RYR2: variants seen among roughly 807,000 people sequenced by gnomAD.
The protein encoded by RYR2 is cardiac muscle ryanodine receptor-calcium release channel.
Under a neutral mutation model 601.1 loss-of-function variants are expected in RYR2, and 227 were observed. The ratio of observed to expected loss-of-function variants is 0.38; its 90% CI spans 0.34 to 0.42. RYR2 has a LOEUF of 0.42. RYR2 is among the 10% of genes least tolerant of loss of function. The pLI is 1.00. For synonymous variants in RYR2, 2,223 were observed against 2,175.1 expected, an observed-to-expected ratio of 1.02 and a Z score of -0.61; for missense variants, 4,646 against 6,156.5, an observed-to-expected ratio of 0.75 and a Z score of 8.21.
chr1:237,401,657 C>T (rs776141916), intron 10 of RYR2, among the ~76,000 whole-genome samples: 27 of 152,110 alleles, frequency 1.8e-4, no homozygotes, highest in Non-Finnish European at 3.2e-4. Context: ...AGCTTCAGTG[C>T]CCAGAATGTT....
At chr1:237,569,443 G>A (rs981890263) in intron 29 of RYR2, 124 bp downstream of exon 29, 12 of 838,046 alleles carry the variant, frequency 1.4e-5, no homozygotes, top group Non-Finnish European at 1.7e-5. Flanking sequence ...GCTGTAAATC[G>A]TGAGGGTGCC....
chr1:237,256,410 CTG>C (rs1159749674), intron 1 of RYR2, among the ~76,000 whole-genome samples: 2 of 152,138 alleles, frequency 1.3e-5, no homozygotes, highest in African/African-American at 2.4e-5. Flanking sequence ...ACTAATACAC[CTG>C]TGTATGGTGA....
intron 11 of RYR2, among the ~76,000 whole-genome samples, chr1:237,421,822 A>T (rs1016981002): frequency 3.3e-5 from 5 of 152,164 alleles, no homozygotes; most frequent in African/African-American, 1.2e-4. Context: ...TGTTGTTGAC[A>T]TATGAAGCTT....
At chr1:237,489,439 C>G (rs554563675) in intron 17 of RYR2, among the ~76,000 whole-genome samples, 52 of 152,216 alleles carry the variant, frequency 3.4e-4, no homozygotes, top group South Asian at 3.3e-3. Flanking sequence ...GGCGGATCGC[C>G]TGAGATCAGG....
In RYR2 at chr1:237,388,195, A is replaced by G; in HGVS notation, c.773+12A>G. On this transcript the variant is annotated intron_variant, in intron 10 of 104. Coordinates refer to ENST00000366574, the MANE Select transcript of RYR2 (RefSeq NM_001035.3). The stretch of plus-strand genomic sequence containing the variant: ...GAAGAGCAGCGGAGGTTAGTACCTG[A>G]GCTCATTGCATTGAGACTTGCACTC... 6.2e-7 allele frequency: 1 copy of G among 1,607,962 alleles called. No homozygotes were observed. Among genetic ancestry groups the G allele is most frequent in the South Asian group, 1.1e-5 (1 of 90,492 alleles).
intron 98 of RYR2, among the ~76,000 whole-genome samples, chr1:237,805,773 T>C (rs1471427933): frequency 2.6e-5 from 4 of 152,068 alleles, no homozygotes. Flanking sequence ...ATCTTTAACA[T>C]TTATCACTTC....
At chr1:237,510,760 A>G (rs1665809919) in intron 23 of RYR2, among the ~76,000 whole-genome samples, 1 of 152,248 alleles carries the variant, frequency 6.6e-6, no homozygotes, top group Non-Finnish European at 1.5e-5. Context: ...TGCCGATGCG[A>G]TTTAGGTCTC....
chr1:237,450,911 CT>C (rs1381274653), intron 14 of RYR2, among the ~76,000 whole-genome samples: 1 of 152,090 alleles, frequency 6.6e-6, no homozygotes, highest in Non-Finnish European at 1.5e-5. Flanking sequence ...TTTAATTAAG[CT>C]TTCGTTTATT....
intron 41 of RYR2, among the ~76,000 whole-genome samples, chr1:237,629,172 C>A (rs912412592): frequency 6.6e-6 from 1 of 151,810 alleles, no homozygotes. Flanking sequence ...TAAATCTAAG[C>A]AATCATTAAT....
chr1:237,687,369 T>TTTTTTTTTTTTTTTTTTTTTTTTTTC, intron 62 of RYR2, 86 bp from the exon 63 acceptor site: 1 of 593,950 alleles, frequency 1.7e-6, no homozygotes. Context: ...TCTTCTTCTT[T>TTTTTTTTTTTTTTTTTTTTTTTTTTC]TTTTTTTTTT....
At chr1:237,318,820 G>T (rs1572586103) in intron 2 of RYR2, among the ~76,000 whole-genome samples, 1 of 152,136 alleles carries the variant, frequency 6.6e-6, no homozygotes, top group African/African-American at 2.4e-5. Flanking sequence ...CAGGTTTATT[G>T]TGCTACTTAG....
intron 16 of RYR2, among the ~76,000 whole-genome samples, chr1:237,457,717 C>A (rs762255238): frequency 1.3e-5 from 2 of 152,150 alleles, no homozygotes; most frequent in Non-Finnish European, 2.9e-5. Flanking sequence ...TGGCCTCTTG[C>A]TGCAAACATC....
chr1:237,075,334 C>T (rs557662490), intron 1 of RYR2, among the ~76,000 whole-genome samples: 4 of 151,154 alleles, frequency 2.6e-5, no homozygotes, highest in East Asian at 3.9e-4. Flanking sequence ...ACGCAGAAGA[C>T]GGGTGATTTC....
At chr1:237,628,163 T>A in intron 41 of RYR2, 83 bp downstream of exon 41, 1 of 1,412,326 alleles carries the variant, frequency 7.1e-7, no homozygotes. Flanking sequence ...TTAACTACAT[T>A]GATAAAAATA....
intron 44 of RYR2, 132 bp downstream of exon 44, chr1:237,635,124 C>T: frequency 1.7e-6 from 1 of 604,324 alleles, no homozygotes; most frequent in African/African-American, 1.8e-5. Flanking sequence ...GCCAAAACCG[C>T]AATTAATTTT....
chr1:237,392,688 A>G (rs1702483575), intron 10 of RYR2, among the ~76,000 whole-genome samples: 1 of 151,916 alleles, frequency 6.6e-6, no homozygotes, highest in Admixed American at 6.6e-5. Context: ...TATGGATTTG[A>G]TATGCACTAT....
intron 17 of RYR2, among the ~76,000 whole-genome samples, chr1:237,486,925 CATTG>C (rs1209139396): frequency 2.0e-5 from 3 of 152,026 alleles, no homozygotes; most frequent in African/African-American, 4.8e-5. Flanking sequence ...TAAAAAGTTA[CATTG>C]ATTATTATAT....
Position 237,614,188 on chromosome 1 carries a change from A to C in RYR2, c.5060A>C (p.Tyr1687Ser), listed in dbSNP as rs760479688. The change falls in exon 37 of 105, where the codon TAT (tyrosine) becomes TCT (serine). Residue 1687 changes from tyrosine to serine, a missense_variant. Around this residue, in one of 17 missense-constraint regions of RYR2, gnomAD observed 1,807 missense variants for 2,088.1 expected, o/e 0.87. Transcript: ENST00000366574. The surrounding 1 kb of genome is among the most constrained non-coding windows in gnomAD (Gnocchi z 4.3). ...CSHVDEPQLL[Y>S]AIENKYMPGL... is the part of the protein sequence containing the mutation. The stretch of plus-strand genomic sequence containing the variant: ...CATGTGGATGAACCTCAGCTCCTCT[A>C]TGCCATTGAGAACAAGTACATGCCT... 6.2e-7 allele frequency: 1 copy of C among 1,614,012 alleles called. No individual in the cohort carries two copies. The highest frequency in any genetic ancestry group is 1.7e-5 in the Admixed American group (1 of 60,028).
intron 1 of RYR2, among the ~76,000 whole-genome samples, chr1:237,094,485 T>A (rs1050231182): frequency 2.0e-5 from 3 of 152,130 alleles, no homozygotes; most frequent in African/African-American, 7.2e-5. Flanking sequence ...GCGAACATGC[T>A]TAATAAATAT....
Sources: allele counts gnomAD v4.1 joint callset (sites outside exome capture counted in the v4.1 genomes callset), GRCh38; gene constraint gnomAD v4.1.1; regional missense constraint gnomAD v4.1.1; non-coding constraint Gnocchi (gnomAD v3.1); transcripts MANE v1.5; gene names NCBI Gene and HGNC (gene_info 2026-07-23, HGNC 2026-07-21).